DNMBP: variants seen among roughly 807,000 people sequenced by gnomAD.
The protein encoded by DNMBP is dynamin-binding protein.
In DNMBP, 87 loss-of-function variants were observed where a neutral mutation model predicts 150.0. The ratio of observed to expected loss-of-function variants is 0.58; its 90% CI spans 0.49 to 0.69. The LOEUF (loss-of-function observed/expected upper bound fraction) is 0.69. Ranked by LOEUF, DNMBP falls within the 30% of genes least tolerant of loss-of-function variation. The pLI, the probability that DNMBP is intolerant of heterozygous loss-of-function variation, is 0.00. For missense variants in DNMBP, 1,774 were observed against 1,949.0 expected, an observed-to-expected ratio of 0.91 and a Z score of 1.69; for synonymous variants, 711 against 750.4, an observed-to-expected ratio of 0.95 and a Z score of 0.86.
At chr10:99,929,169 G>A (rs2040116526) in intron 4 of DNMBP, among the ~76,000 whole-genome samples, 1 of 150,802 alleles carries the variant, frequency 6.6e-6, no homozygotes, top group South Asian at 2.1e-4. Flanking sequence ...TAAAAATAAA[G>A]TCAAGTCTTC....
chr10:99,889,665 G>A (rs953393806), intron 11 of DNMBP, among the ~76,000 whole-genome samples: 1 of 152,128 alleles, frequency 6.6e-6, no homozygotes, highest in African/African-American at 2.4e-5. Flanking sequence ...AGCCTGGCCA[G>A]CATGGTGAGA....
rs1589458237 is a variant in DNMBP at position 100,005,786 on chromosome 10, C to CAAAAAAAAAAAAAAAAAA, written c.-11+4051_-11+4052insTTTTTTTTTTTTTTTTTT. Among the ~76,000 whole-genome samples the CAAAAAAAAAAAAAAAAAA allele has an allele frequency of 3.3e-4, 33 of 101,042 alleles. 1 individual carries two copies. The highest frequency in any genetic ancestry group is 1.5e-3 in the East Asian group (6 of 4,128). The allele number at this position is 101,042 out of a possible 152,430, so 66.3% of individuals were successfully genotyped here. ...CTCCAAAAAAAAAAAAAAAAAAAAC[C>CAAAAAAAAAAAAAAAAAA]AAACTACATAAAGGAAAATGAATTA... On this transcript the variant is annotated intron_variant, in intron 1 of 16. Coordinates refer to ENST00000324109, the MANE Select transcript of DNMBP (RefSeq NM_015221.4).
rs71009799 is a variant in DNMBP at position 99,998,579 on chromosome 10, C to CAAA, written c.-11+11256_-11+11258dup. ...TGGGTGACAGAGTGAGACTCCGTCT[C>CAAA]AAAAAAAAAAAAAAAAAAAGAAACA... is the stretch of plus-strand genomic sequence containing the variant. On this transcript the variant is annotated intron_variant, in intron 1 of 16. Transcript: ENST00000324109. Among the ~76,000 whole-genome samples, 108 of 93,106 alleles carry CAAA rather than the reference C, an allele frequency of 1.2e-3. 2 individuals carry two copies. The East Asian group carries it at 0.013, about 12-fold the overall frequency. 61.1% of individuals were successfully genotyped at this position (93,106 alleles called of 152,430 possible). A position where few individuals can be genotyped will look rare whatever the true frequency, so the allele number is the denominator to read the frequency against.
intron 11 of DNMBP, 63 bp from the exon 12 acceptor site, chr10:99,889,016 T>C (rs778758610): frequency 8.2e-5 from 130 of 1,576,942 alleles, no homozygotes; most frequent in Non-Finnish European, 1.1e-4. Context: ...TTGTCATACA[T>C]TCCAAGACTG....
At position 99,879,101 on chromosome 10, in the gene DNMBP, A is replaced by AAAAAAAAC. The variant is rs1554857510; in HGVS notation, c.4548+709_4548+710insGTTTTTTT. 1.1e-3 allele frequency among the ~76,000 whole-genome samples: 142 copies of AAAAAAAAC among 135,128 alleles called. 6 individuals are homozygous for AAAAAAAAC. The highest frequency in any genetic ancestry group is 4.1e-3 in the African/African-American group (129 of 31,688). 88.6% of individuals were successfully genotyped at this position (135,128 alleles called of 152,430 possible). On this transcript the variant is annotated intron_variant, in intron 16 of 16. Coordinates refer to ENST00000324109, the MANE Select transcript of DNMBP (RefSeq NM_015221.4). ...CTCTGTCTCAAAAAAAAAAAAAAAAACCCAAAACGTTTGAGATACAAAGCC... is the reference window on the plus strand; with the variant it reads ...CTCTGTCTCAAAAAAAAAAAAAAAAAAAAAAAACCCCAAAACGTTTGAGATACAAAGCC...
At chr10:99,890,793 C>T (rs1233827256) in intron 11 of DNMBP, among the ~76,000 whole-genome samples, 1 of 152,138 alleles carries the variant, frequency 6.6e-6, no homozygotes, top group African/African-American at 2.4e-5. Context: ...ATTACAGGTG[C>T]CTGCCATCAT....
At chr10:99,900,351 C>T (rs1274377548) in intron 6 of DNMBP, among the ~76,000 whole-genome samples, 1 of 148,344 alleles carries the variant, frequency 6.7e-6, no homozygotes, top group African/African-American at 2.5e-5. Context: ...ACAATCTCAG[C>T]CCACTGCAGA....
At chr10:99,901,873 C>G (rs963843432) in intron 6 of DNMBP, among the ~76,000 whole-genome samples, 17 of 152,148 alleles carry the variant, frequency 1.1e-4, no homozygotes, top group African/African-American at 4.1e-4. Flanking sequence ...ACTGTTGTGT[C>G]CCATGGAAGT....
intron 6 of DNMBP, among the ~76,000 whole-genome samples, chr10:99,905,340 C>T (rs7080613): frequency 0.32 from 48,132 of 152,078 alleles, 8,223 homozygotes; most frequent in Non-Finnish European, 0.38. Context: ...TTTGCCTGCA[C>T]GACAGAAAGA....
chr10:99,956,533 T>G lies in DNMBP; in HGVS notation c.941A>C (p.Glu314Ala). The change falls in exon 4 of 17, where the codon GAA becomes GCA. Residue 314 changes from glutamate to alanine, a missense_variant. By Grantham distance (107) the Glu-to-Ala change is moderately radical. Transcript: ENST00000324109. ...TTCCGGGATCCTGGCAAGGCTGCCTTCCTGGGGCAGAGCCATGGTTTCCTC... is the reference window on the plus strand; with the variant it reads ...TTCCGGGATCCTGGCAAGGCTGCCTGCCTGGGGCAGAGCCATGGTTTCCTC... ...RVEETMALPQ[E>A]GSLARIPETS... 3 of 1,614,146 alleles carry G rather than the reference T, an allele frequency of 1.9e-6. No homozygotes were observed. The highest frequency in any genetic ancestry group is 1.3e-5 in the African/African-American group (1 of 75,014).
At chr10:99,935,718 T>C (rs1025289211) in intron 4 of DNMBP, among the ~76,000 whole-genome samples, 1 of 152,172 alleles carries the variant, frequency 6.6e-6, no homozygotes, top group Non-Finnish European at 1.5e-5. Flanking sequence ...GCATACACCC[T>C]GCCGCCCGGC....
intron 1 of DNMBP, among the ~76,000 whole-genome samples, chr10:99,999,299 C>T (rs1378135633): frequency 1.3e-5 from 2 of 152,234 alleles, no homozygotes; most frequent in African/African-American, 4.8e-5. Context: ...ATTCTATTCA[C>T]TTAACAGTGG....
Position 99,907,989 on chromosome 10 carries a change from T to G in DNMBP, c.2554+6A>C. On this transcript the variant is annotated splice_donor_region_variant and intron_variant, in intron 6 of 16. Coordinates refer to ENST00000324109, the MANE Select transcript of DNMBP (RefSeq NM_015221.4). ...GCTGCTTCTGAAACAACACAGGAGC[T>G]CATACCTACAGCATCGCTGATTTCC... is the stretch of plus-strand genomic sequence containing the variant. 2 of 1,611,506 alleles carry G rather than the reference T, an allele frequency of 1.2e-6. No individual in the cohort carries two copies. Among genetic ancestry groups the G allele is most frequent in the African/African-American group, 1.3e-5 (1 of 74,966 alleles).
chr10:100,000,869 A>C (rs11498547), intron 1 of DNMBP, among the ~76,000 whole-genome samples: 12 of 145,988 alleles, frequency 8.2e-5, no homozygotes, highest in East Asian at 2.0e-4. Context: ...CAAAAAAAAA[A>C]AAAAAAAAAA....
chr10:99,969,596 G>T (rs994980162), intron 2 of DNMBP, among the ~76,000 whole-genome samples: 2 of 152,190 alleles, frequency 1.3e-5, no homozygotes. Flanking sequence ...GTATCATAAC[G>T]TAAGTACACA....
At chr10:99,927,880 C>T (rs910525004) in intron 4 of DNMBP, among the ~76,000 whole-genome samples, 1 of 152,188 alleles carries the variant, frequency 6.6e-6, no homozygotes, top group South Asian at 2.1e-4. Context: ...AATAAACACA[C>T]TTTGATTACA....
intron 4 of DNMBP, among the ~76,000 whole-genome samples, chr10:99,916,184 TG>T (rs1337297180): frequency 2.0e-5 from 3 of 152,256 alleles, no homozygotes; most frequent in Non-Finnish European, 4.4e-5. Context: ...CTAGACAGGC[TG>T]GGCACAGTGG....
In DNMBP at chr10:99,946,963, G is replaced by GA. The variant is rs2040364325; in HGVS notation, c.2260+8250dup. Among the ~76,000 whole-genome samples the GA allele has an allele frequency of 4.6e-5, 7 of 152,124 alleles. No individual in the cohort carries two copies. In the South Asian group the frequency reaches 1.5e-3, roughly 32 times the overall value. On this transcript the variant is annotated intron_variant, in intron 4 of 16. Coordinates refer to ENST00000324109, the MANE Select transcript of DNMBP (RefSeq NM_015221.4). ...ACATACAAGTGGCCAACAAATATATGAAAAAAATGCTTAACATCGCTAATC... is the reference window on the plus strand; with the variant it reads ...ACATACAAGTGGCCAACAAATATATGAAAAAAAATGCTTAACATCGCTAATC...
chr10:99,955,112 G>A, intron 4 of DNMBP, 102 bp downstream of exon 4: 1 of 875,994 alleles, frequency 1.1e-6, no homozygotes, highest in Non-Finnish European at 1.8e-6. Flanking sequence ...ATCATTTTTT[G>A]TCCATCGAGG....
Sources: allele counts gnomAD v4.1 joint callset (sites outside exome capture counted in the v4.1 genomes callset), GRCh38; gene constraint gnomAD v4.1.1; transcripts MANE v1.5; gene names NCBI Gene and HGNC (gene_info 2026-07-23, HGNC 2026-07-21).